The following ARHGAP28 variants were observed in gnomAD, a reference collection of about 807,000 sequenced individuals.
The protein encoded by ARHGAP28 is rho GTPase-activating protein 28.
In ARHGAP28, 56 loss-of-function variants were observed where a neutral mutation model predicts 90.7. That is an observed-to-expected ratio of 0.62 (90% CI 0.50 to 0.77). ARHGAP28 has a LOEUF of 0.77. ARHGAP28 is among the 30% of genes least tolerant of loss of function. ARHGAP28 has a pLI of 0.00. For synonymous variants in ARHGAP28, 308 were observed against 323.3 expected (o/e 0.95, Z 0.51); for missense variants, 869 against 900.9 (o/e 0.96, Z 0.45).
At chr18:6,805,632 C>A (rs890479421) in intron 1 of ARHGAP28, among the ~76,000 whole-genome samples, 3 of 151,512 alleles carry the variant, frequency 2.0e-5, no homozygotes, top group Non-Finnish European at 2.9e-5. Flanking sequence ...ATTACAGGTG[C>A]CTGCCACCAC....
chr18:6,762,168 C>T (rs1029256591), intron 1 of ARHGAP28, among the ~76,000 whole-genome samples: 4 of 152,158 alleles, frequency 2.6e-5, no homozygotes, highest in African/African-American at 9.7e-5. Flanking sequence ...GCCTTTCTGG[C>T]TTGTCTTACT....
intron 1 of ARHGAP28, among the ~76,000 whole-genome samples, chr18:6,738,837 C>T (rs2055950834): frequency 6.6e-6 from 1 of 152,172 alleles, no homozygotes; most frequent in African/African-American, 2.4e-5. Flanking sequence ...AAGGTTTCCT[C>T]GACAACTGTA....
chr18:6,845,467 T>G (rs2143172891), intron 3 of ARHGAP28, among the ~76,000 whole-genome samples: 1 of 152,312 alleles, frequency 6.6e-6, no homozygotes, highest in Middle Eastern at 3.4e-3. Flanking sequence ...GATGTGCAGG[T>G]TTGTTACCTA....
At chr18:6,849,283 G>A (rs937837158) in intron 3 of ARHGAP28, among the ~76,000 whole-genome samples, 9 of 149,912 alleles carry the variant, frequency 6.0e-5, no homozygotes, top group Admixed American at 5.4e-4. Flanking sequence ...AAAGTTAACC[G>A]GGGTAAGCGT....
intron 1 of ARHGAP28, among the ~76,000 whole-genome samples, chr18:6,810,025 G>A (rs1030149842): frequency 2.0e-5 from 3 of 152,076 alleles, no homozygotes; most frequent in African/African-American, 4.8e-5. Flanking sequence ...CTTCACCTCT[G>A]AATTAATGGA....
intron 10 of ARHGAP28, among the ~76,000 whole-genome samples, chr18:6,876,865 C>T (rs1211296862): frequency 1.3e-5 from 2 of 152,150 alleles, no homozygotes; most frequent in African/African-American, 4.8e-5. Context: ...CTCTACAGTA[C>T]AATAAAGCAA....
intron 16 of ARHGAP28, chr18:6,898,578 G>A (rs1183659544): frequency 6.2e-7 from 1 of 1,604,924 alleles, no homozygotes; most frequent in Non-Finnish European, 8.5e-7. Flanking sequence ...CACATAGGCA[G>A]TCATATAGAG....
intron 7 of ARHGAP28, 63 bp downstream of exon 7, chr18:6,870,795 ATTTC>A: frequency 6.7e-7 from 1 of 1,490,714 alleles, no homozygotes; most frequent in Admixed American, 2.2e-5. Context: ...CAAAACTAAG[ATTTC>A]TTTTTCTTTT....
chr18:6,753,503 A>G (rs2056086123), intron 1 of ARHGAP28, among the ~76,000 whole-genome samples: 2 of 152,214 alleles, frequency 1.3e-5, no homozygotes, highest in Non-Finnish European at 2.9e-5. Flanking sequence ...ACTCTGTAGC[A>G]TACAAGAAAG....
chr18:6,885,839 A>G (rs758548380), intron 11 of ARHGAP28, among the ~76,000 whole-genome samples: 1 of 145,962 alleles, frequency 6.9e-6, no homozygotes, highest in African/African-American at 2.5e-5. Flanking sequence ...AAGATTAGAG[A>G]CAGTCCTCAG....
At chr18:6,832,340 C>T (rs188726644) in intron 2 of ARHGAP28, among the ~76,000 whole-genome samples, 1 of 151,952 alleles carries the variant, frequency 6.6e-6, no homozygotes, top group Non-Finnish European at 1.5e-5. Context: ...CTGTCTTGGT[C>T]AAGGTTCCAT....
At chr18:6,809,819 C>G (rs1221835997) in intron 1 of ARHGAP28, among the ~76,000 whole-genome samples, 1 of 152,154 alleles carries the variant, frequency 6.6e-6, no homozygotes, top group Non-Finnish European at 1.5e-5. Context: ...CGAACCATAT[C>G]AAAGGGCTAG....
At chr18:6,896,019 C>T (rs748507420) in intron 15 of ARHGAP28, among the ~76,000 whole-genome samples, 4 of 152,146 alleles carry the variant, frequency 2.6e-5, no homozygotes, top group South Asian at 4.1e-4. Flanking sequence ...TGAGAGGTCC[C>T]GTTTCAAGTG....
In ARHGAP28 at chr18:6,882,229, G is replaced by T. The variant is rs80166861; in HGVS notation, c.1383G>T (p.Ala461=). Residue 461 remains alanine, a synonymous_variant, in exon 11 of 18, where the codon GCG becomes GCT. Coordinates refer to ENST00000383472, the MANE Select transcript of ARHGAP28 (RefSeq NM_001366230.1). Reference sequence around the variant, plus strand: ...GAGAAGCTGCAGTAATGTTGAAAGCGTTTTTCAGAGAACTACCCACCTCTC... The same window carrying T: ...GAGAAGCTGCAGTAATGTTGAAAGCTTTTTTCAGAGAACTACCCACCTCTC... ...CHREAAVMLK[A]FFRELPTSLF... 6.2e-7 allele frequency: 1 copy of T among 1,613,892 alleles called. No homozygotes were observed. The highest frequency in any genetic ancestry group is 1.7e-5 in the Admixed American group (1 of 59,968).
rs143540725 is a variant in ARHGAP28 at position 6,870,822 on chromosome 18, C to G, written c.954+90C>G. ...TTCTTTTTCTTTTTTTTTTTTGAGA[C>G]GGAGTCTCGCTCTATTGCCCCAGGC... On this transcript the variant is annotated intron_variant, in intron 7 of 17. Transcript: ENST00000383472. 35 of 1,339,100 alleles carry G rather than the reference C, an allele frequency of 2.6e-5. No homozygotes were observed. The Admixed American group carries it at 3.3e-4, about 13-fold the overall frequency. 83.0% of individuals were successfully genotyped at this position (1,339,100 alleles called of 1,614,324 possible). A position where few individuals can be genotyped will look rare whatever the true frequency, so the allele number is the denominator to read the frequency against.
chr18:6,903,649 G>A (rs1378164737), intron 16 of ARHGAP28, among the ~76,000 whole-genome samples: 1 of 151,916 alleles, frequency 6.6e-6, no homozygotes, highest in East Asian at 1.9e-4. Context: ...TGGCCAACAT[G>A]GTGAAATGCC....
At chr18:6,853,475 T>A (rs1411448984) in intron 4 of ARHGAP28, among the ~76,000 whole-genome samples, 1 of 31,764 alleles carries the variant, frequency 3.1e-5, no homozygotes, top group African/African-American at 6.7e-5. Context: ...TGCCAATCAA[T>A]TTTTTTTTTT....
intron 1 of ARHGAP28, among the ~76,000 whole-genome samples, chr18:6,769,793 A>C (rs769047622): frequency 6.6e-6 from 1 of 152,366 alleles, no homozygotes; most frequent in African/African-American, 2.4e-5. Flanking sequence ...GATTGAGAAT[A>C]GGAACCCTGT....
At chr18:6,759,882 C>T (rs1182874789) in intron 1 of ARHGAP28, among the ~76,000 whole-genome samples, 2 of 152,130 alleles carry the variant, frequency 1.3e-5, no homozygotes, top group African/African-American at 4.8e-5. Flanking sequence ...GAAGGCACTT[C>T]ATTTAGATAG....
Sources: gnomAD v4.1 joint callset for allele counts (sites outside exome capture counted in the v4.1 genomes callset) on GRCh38, gnomAD v4.1.1 for gene constraint, MANE v1.5 for transcripts, NCBI Gene and HGNC (gene_info 2026-07-23, HGNC 2026-07-21) for gene names.